DNAJC1: variants seen among roughly 807,000 people sequenced by gnomAD.
The protein encoded by DNAJC1 is dnaJ homolog subfamily C member 1.
DNAJC1 carries 58 observed loss-of-function variants against 76.6 expected under a neutral mutation model. That is an observed-to-expected ratio of 0.76 (90% CI 0.61 to 0.94). The LOEUF is 0.94. Ranked by LOEUF, DNAJC1 falls within the 40% of genes least tolerant of loss-of-function variation. DNAJC1 has a pLI of 0.00. For missense variants in DNAJC1, 689 were observed against 677.3 expected, an observed-to-expected ratio of 1.02 and a Z score of -0.19; for synonymous variants, 258 against 267.9, an observed-to-expected ratio of 0.96 and a Z score of 0.36.
intron 6 of DNAJC1, among the ~76,000 whole-genome samples, chr10:21,911,547 T>C (rs1180831711): frequency 1.3e-5 from 2 of 152,208 alleles, no homozygotes; most frequent in African/African-American, 4.8e-5. Context: ...CAGAAGCTAC[T>C]GTCTTCCTCT....
At chr10:21,859,591 C>T (rs756341879) in intron 8 of DNAJC1, among the ~76,000 whole-genome samples, 2 of 151,986 alleles carry the variant, frequency 1.3e-5, no homozygotes, top group Non-Finnish European at 2.9e-5. Context: ...ATAGGGGTTA[C>T]ATAGACATAG....
intron 1 of DNAJC1, among the ~76,000 whole-genome samples, chr10:21,971,023 T>C (rs2131828202): frequency 6.6e-6 from 1 of 152,044 alleles, no homozygotes; most frequent in Middle Eastern, 3.4e-3. Context: ...AATTAATACA[T>C]CAATCACCTT....
At chr10:21,944,540 T>C (rs1837472802) in intron 1 of DNAJC1, among the ~76,000 whole-genome samples, 1 of 152,134 alleles carries the variant, frequency 6.6e-6, no homozygotes, top group African/African-American at 2.4e-5. Flanking sequence ...CTGGTCCCAG[T>C]GACTTCCTAA....
intron 8 of DNAJC1, among the ~76,000 whole-genome samples, chr10:21,807,344 T>C (rs2131642766): frequency 6.6e-6 from 1 of 152,234 alleles, no homozygotes; most frequent in South Asian, 2.1e-4. Flanking sequence ...ATCCTCCCTG[T>C]CATTCTCCCA....
chr10:21,981,400 C>T (rs971740969), intron 1 of DNAJC1, among the ~76,000 whole-genome samples: 12 of 152,106 alleles, frequency 7.9e-5, no homozygotes, highest in Admixed American at 6.5e-5. Flanking sequence ...GAATTGAGAG[C>T]AGTCATATCT....
chr10:21,961,618 T>C (rs1157754857), intron 1 of DNAJC1, among the ~76,000 whole-genome samples: 3 of 152,170 alleles, frequency 2.0e-5, no homozygotes, highest in Non-Finnish European at 4.4e-5. Context: ...GTACAGTTTC[T>C]GTTTGGAGTG....
chr10:21,887,084 A>G (rs1406958628), intron 7 of DNAJC1, among the ~76,000 whole-genome samples: 1 of 152,164 alleles, frequency 6.6e-6, no homozygotes, highest in African/African-American at 2.4e-5. Context: ...TAGCATTCCT[A>G]TACTCCAACA....
In DNAJC1 at chr10:22,003,240, G is replaced by A; in HGVS notation, c.195C>T (p.Asn65=). The part of the protein sequence containing the change: ...LFDLVEEVQL[N]FYQFLGVQQD... ...GCTGCACCCCGAGGAACTGGTAGAA[G>A]TTGAGCTGCACCTCCTCCACTAAGT... The change falls in exon 1 of 12, where the codon AAC becomes AAT. Residue 65 remains asparagine (N), a synonymous_variant. Transcript: ENST00000376980. 1 of 1,571,124 alleles carries A rather than the reference G, an allele frequency of 6.4e-7. No individual in the cohort carries two copies. Among genetic ancestry groups the A allele is most frequent in the Non-Finnish European group, 8.6e-7 (1 of 1,160,768 alleles).
At chr10:21,936,875 T>C (rs762624503) in intron 1 of DNAJC1, among the ~76,000 whole-genome samples, 31 of 152,104 alleles carry the variant, frequency 2.0e-4, no homozygotes, top group Non-Finnish European at 4.3e-4. Context: ...AGAACAAAGA[T>C]GACATATAAT....
chr10:21,915,947 A>G (rs753589995), intron 6 of DNAJC1, among the ~76,000 whole-genome samples: 5 of 151,882 alleles, frequency 3.3e-5, no homozygotes, highest in Non-Finnish European at 7.4e-5. Context: ...GTATGAGGCC[A>G]GCCTGAGCAA....
At chr10:21,848,238 G>C (rs1470746422) in intron 8 of DNAJC1, among the ~76,000 whole-genome samples, 6 of 151,996 alleles carry the variant, frequency 3.9e-5, no homozygotes, top group African/African-American at 9.7e-5. Flanking sequence ...TCATATACTT[G>C]TTGGCCATTT....
intron 9 of DNAJC1, among the ~76,000 whole-genome samples, chr10:21,770,669 G>A (rs1390399929): frequency 6.6e-6 from 1 of 152,212 alleles, no homozygotes; most frequent in Non-Finnish European, 1.5e-5. Flanking sequence ...AAAGTGCTGG[G>A]AGTACAGGCG....
intron 8 of DNAJC1, among the ~76,000 whole-genome samples, chr10:21,824,325 CAG>C (rs1303705588): frequency 1.3e-5 from 2 of 152,182 alleles, no homozygotes; most frequent in African/African-American, 4.8e-5. Flanking sequence ...GGATTTCAGA[CAG>C]AGTTTGTTCT....
At chr10:21,908,226 AT>A (rs1324578134) in intron 6 of DNAJC1, among the ~76,000 whole-genome samples, 4 of 51,028 alleles carry the variant, frequency 7.8e-5, no homozygotes, top group African/African-American at 1.2e-4. Flanking sequence ...TATATATAAT[AT>A]ATATAAAATA....
chr10:21,813,117 ACAGC>A (rs1835001007), intron 8 of DNAJC1, among the ~76,000 whole-genome samples: 50 of 143,384 alleles, frequency 3.5e-4, no homozygotes, highest in South Asian at 2.0e-3. Context: ...ATATATATAT[ACAGC>A]TTCTGCCTTG....
intron 9 of DNAJC1, among the ~76,000 whole-genome samples, chr10:21,786,455 TATATATATAGAGAGAGAGAGAGAGAG>T (rs1398596403): frequency 1.8e-5 from 1 of 56,950 alleles, no homozygotes; most frequent in Non-Finnish European, 3.6e-5. Flanking sequence ...TATATATATA[TATATATATAGAGAGAGAGAGAGAGAG>T]AGAGAGAGAG....
chr10:21,782,433 T>C (rs546105684), intron 9 of DNAJC1, among the ~76,000 whole-genome samples: 1 of 152,222 alleles, frequency 6.6e-6, no homozygotes, highest in South Asian at 2.1e-4. Flanking sequence ...CAGGACCAGA[T>C]GGATTCACAG....
chr10:21,795,996 G>A (rs1452821353), intron 9 of DNAJC1, among the ~76,000 whole-genome samples: 1 of 146,438 alleles, frequency 6.8e-6, no homozygotes, highest in Non-Finnish European at 1.5e-5. Flanking sequence ...TTGAGACAGA[G>A]TCTCACTCTG....
chr10:21,788,042 A>G (rs980810625), intron 9 of DNAJC1, among the ~76,000 whole-genome samples: 2 of 152,204 alleles, frequency 1.3e-5, no homozygotes, highest in African/African-American at 4.8e-5. Context: ...GACATCCACA[A>G]GTGGCTCAGC....
Sources: allele counts gnomAD v4.1 joint callset (sites outside exome capture counted in the v4.1 genomes callset), GRCh38; gene constraint gnomAD v4.1.1; transcripts MANE v1.5; gene names NCBI Gene and HGNC (gene_info 2026-07-23, HGNC 2026-07-21).